The following MAP3K5 variants were observed in gnomAD, a reference collection of about 807,000 sequenced individuals.
The protein encoded by MAP3K5 is mitogen-activated protein kinase kinase kinase 5.
Under a neutral mutation model 158.7 loss-of-function variants are expected in MAP3K5, and 56 were observed. The observed-to-expected ratio is 0.35, with a 90% CI of 0.28 to 0.44. The LOEUF is 0.44. MAP3K5 is among the 20% of genes least tolerant of loss of function. The pLI is 1.00. For synonymous variants in MAP3K5, 579 were observed against 601.7 expected, an observed-to-expected ratio of 0.96 and a Z score of 0.55; for missense variants, 1,294 against 1,674.8, an observed-to-expected ratio of 0.77 and a Z score of 3.97.
chr6:136,762,830 G>A (rs1783815321), intron 1 of MAP3K5, among the ~76,000 whole-genome samples: 1 of 152,134 alleles, frequency 6.6e-6, no homozygotes. Context: ...GAGGTTTCTA[G>A]CACCATTGCT....
At chr6:136,655,071 C>A (rs1213061375) in intron 10 of MAP3K5, among the ~76,000 whole-genome samples, 1 of 152,094 alleles carries the variant, frequency 6.6e-6, no homozygotes, top group African/African-American at 2.4e-5. Flanking sequence ...CAGACAAATT[C>A]TGTCAAATAT....
intron 11 of MAP3K5, among the ~76,000 whole-genome samples, chr6:136,647,006 T>G (rs917694998): frequency 6.6e-6 from 1 of 152,258 alleles, no homozygotes; most frequent in Non-Finnish European, 1.5e-5. Context: ...TGAGTCACCT[T>G]ACACTTACTC....
At chr6:136,753,220 A>G (rs1269556688) in intron 1 of MAP3K5, among the ~76,000 whole-genome samples, 13 of 152,250 alleles carry the variant, frequency 8.5e-5, no homozygotes, top group Admixed American at 8.5e-4. Context: ...TAACATGGGA[A>G]GACTGTATTT....
chr6:136,712,159 A>G (rs1253382400), intron 2 of MAP3K5, among the ~76,000 whole-genome samples: 1 of 150,606 alleles, frequency 6.6e-6, no homozygotes, highest in East Asian at 1.9e-4. Context: ...TTTTATACAT[A>G]AAGCATTTAA....
chr6:136,663,969 C>T lies in MAP3K5; in HGVS notation c.1367-4591G>A, dbSNP rs558252288. Among the ~76,000 whole-genome samples the T allele has an allele frequency of 3.9e-5, 6 of 152,026 alleles. No homozygotes were observed. In the South Asian group the frequency reaches 1.2e-3, roughly 32 times the overall value. On this transcript the variant is annotated intron_variant, in intron 8 of 29. Coordinates refer to ENST00000359015, the MANE Select transcript of MAP3K5 (RefSeq NM_005923.4). The stretch of plus-strand genomic sequence containing the variant: ...CATTTTTTTTATGACCCTGACTTTT[C>T]GAAAAGACAAGGAGTGCCATGGTGC...
intron 15 of MAP3K5, 87 bp downstream of exon 15, chr6:136,622,761 C>A: frequency 7.2e-7 from 1 of 1,383,612 alleles, no homozygotes; most frequent in Non-Finnish European, 1.0e-6. Flanking sequence ...CAGTTTCATT[C>A]ATTAGAATAT....
At chr6:136,749,751 A>T (rs1330127202) in intron 1 of MAP3K5, among the ~76,000 whole-genome samples, 1 of 152,134 alleles carries the variant, frequency 6.6e-6, no homozygotes, top group Non-Finnish European at 1.5e-5. Context: ...GATGTCTATA[A>T]GCCCACATGG....
chr6:136,731,884 T>C (rs1782241370), intron 1 of MAP3K5, among the ~76,000 whole-genome samples: 1 of 152,152 alleles, frequency 6.6e-6, no homozygotes. Flanking sequence ...GATCAGACAA[T>C]ACTTTAATGG....
intron 25 of MAP3K5, among the ~76,000 whole-genome samples, chr6:136,576,365 A>G (rs548697936): frequency 6.6e-6 from 1 of 152,244 alleles, no homozygotes; most frequent in South Asian, 2.1e-4. Flanking sequence ...AAGCTGGAGT[A>G]CAGCAGTGCA....
intron 25 of MAP3K5, chr6:136,579,917 G>A (rs1774794226): frequency 2.2e-5 from 10 of 456,844 alleles, no homozygotes; most frequent in South Asian, 1.2e-4. Flanking sequence ...TCAATGCAAC[G>A]AGCTATGCAA....
chr6:136,558,723 A>G lies in MAP3K5; in HGVS notation c.4064+77T>C. The G allele has an allele frequency of 4.3e-6, 4 of 928,442 alleles. No individual in the cohort carries two copies. In the South Asian group the frequency reaches 5.5e-5, roughly 13 times the overall value. 57.5% of individuals were successfully genotyped at this position (928,442 alleles called of 1,614,324 possible). ...GAACTACAAAGCTAATTAGAGACCC[A>G]GCCTGGGAAGATACTCAGACTTTTT... On this transcript the variant is annotated intron_variant, in intron 29 of 29. Coordinates refer to ENST00000359015, the MANE Select transcript of MAP3K5 (RefSeq NM_005923.4).
chr6:136,759,627 C>A (rs934606835), intron 1 of MAP3K5, among the ~76,000 whole-genome samples: 1 of 151,200 alleles, frequency 6.6e-6, no homozygotes, highest in Admixed American at 6.6e-5. Flanking sequence ...TACACCACCA[C>A]ATCCAGCTAA....
intron 1 of MAP3K5, among the ~76,000 whole-genome samples, chr6:136,787,781 A>T (rs1784909228): frequency 6.6e-6 from 1 of 152,250 alleles, no homozygotes; most frequent in Admixed American, 6.5e-5. Flanking sequence ...CAGAGCTGGG[A>T]TGAAAACTCG....
intron 25 of MAP3K5, among the ~76,000 whole-genome samples, chr6:136,579,579 T>C (rs957025660): frequency 5.3e-5 from 8 of 152,206 alleles, no homozygotes; most frequent in Non-Finnish European, 1.0e-4. Context: ...ATATGTAGAA[T>C]TCCTAGAGAA....
chr6:136,567,946 G>T, intron 25 of MAP3K5, 72 bp from the exon 26 acceptor site: 1 of 1,483,906 alleles, frequency 6.7e-7, no homozygotes. Context: ...AGATATGAAT[G>T]CTACCCTCCT....
At chr6:136,687,769 C>T (rs988828245) in intron 7 of MAP3K5, among the ~76,000 whole-genome samples, 3 of 152,132 alleles carry the variant, frequency 2.0e-5, no homozygotes, top group Admixed American at 2.0e-4. Context: ...AGTCAAGAAA[C>T]AACAGATGCT....
At chr6:136,642,385 G>C in intron 12 of MAP3K5, 135 bp downstream of exon 12, 1 of 714,722 alleles carries the variant, frequency 1.4e-6, no homozygotes, top group Non-Finnish European at 2.5e-6. Flanking sequence ...CACTGAAGAA[G>C]GCTGGGCATT....
At chr6:136,722,674 C>CTTTTT (rs372343492) in intron 1 of MAP3K5, among the ~76,000 whole-genome samples, 1 of 115,560 alleles carries the variant, frequency 8.7e-6, no homozygotes, top group Non-Finnish European at 1.7e-5. Context: ...TTTTTTTTTC[C>CTTTTT]TTTTTTTTTT....
At position 136,658,313 on chromosome 6, in the gene MAP3K5, C is replaced by CT. The variant is rs57535051; in HGVS notation, c.1526+905dup. Among the ~76,000 whole-genome samples, 248 of 90,444 alleles carry CT rather than the reference C, an allele frequency of 2.7e-3. 2 individuals carry two copies. Among genetic ancestry groups the CT allele is most frequent in the Non-Finnish European group, 3.3e-3 (160 of 48,476 alleles). The allele number at this position is 90,444 out of a possible 152,430, so 59.3% of individuals were successfully genotyped here. A position where few individuals can be genotyped will look rare whatever the true frequency, so the allele number is the denominator to read the frequency against. On this transcript the variant is annotated intron_variant, in intron 9 of 29. Coordinates refer to ENST00000359015, the MANE Select transcript of MAP3K5 (RefSeq NM_005923.4). ...TTTTCTTTTCTTTCTTTCTTTCTTT[C>CT]TTTTTTTTTTTTTTTTTTTGAGACA...
Sources: allele counts gnomAD v4.1 joint callset (sites outside exome capture counted in the v4.1 genomes callset), GRCh38; gene constraint gnomAD v4.1.1; transcripts MANE v1.5; gene names NCBI Gene and HGNC (gene_info 2026-07-23, HGNC 2026-07-21).